The following ATAD2 variants were observed in gnomAD, a reference collection of about 807,000 sequenced individuals.
ATAD2 encodes the protein ATPase family AAA domain-containing protein 2.
Under a neutral mutation model 168.9 loss-of-function variants are expected in ATAD2, and 62 were observed. The ratio of observed to expected loss-of-function variants is 0.37; its 90% CI spans 0.30 to 0.45. The LOEUF (loss-of-function observed/expected upper bound fraction) is 0.45. Ranked by LOEUF, ATAD2 falls within the 20% of genes least tolerant of loss-of-function variation. ATAD2 has a pLI of 1.00. For missense variants in ATAD2, 1,419 were observed against 1,667.8 expected (o/e 0.85, Z 2.60); for synonymous variants, 613 against 571.6 (o/e 1.07, Z -1.03).
Position 123,387,011 on chromosome 8 carries a change from T to C in ATAD2, c.172-6334A>G, listed in dbSNP as rs543910859. Among the ~76,000 whole-genome samples, 22 of 151,930 alleles carry C rather than the reference T, an allele frequency of 1.4e-4. 1 individual carries two copies. Among genetic ancestry groups the C allele is most frequent in the African/African-American group, 4.6e-4 (19 of 41,474 alleles). On this transcript the variant is annotated intron_variant, in intron 1 of 27. Coordinates refer to ENST00000287394, the MANE Select transcript of ATAD2 (RefSeq NM_014109.4). Reference sequence around the variant, plus strand: ...AAAAACAGTTCTAACAAAAGCAATATAAAAATAAAGGCAATACATGCCCAT... The same window carrying C: ...AAAAACAGTTCTAACAAAAGCAATACAAAAATAAAGGCAATACATGCCCAT...
chr8:123,375,177 A>C (rs1227940263), intron 2 of ATAD2, among the ~76,000 whole-genome samples: 1 of 152,268 alleles, frequency 6.6e-6, no homozygotes, highest in Non-Finnish European at 1.5e-5. Context: ...TACGTAAAAT[A>C]ATCATCACTA....
intron 1 of ATAD2, among the ~76,000 whole-genome samples, chr8:123,386,020 C>CA (rs58687997): frequency 0.038 from 3,068 of 81,016 alleles, 48 homozygotes; most frequent in Admixed American, 0.066. Flanking sequence ...TGGCTACTCA[C>CA]AAAAAAAAAA....
intron 2 of ATAD2, among the ~76,000 whole-genome samples, chr8:123,379,026 C>T (rs551097908): frequency 1.9e-4 from 29 of 151,980 alleles, no homozygotes; most frequent in Non-Finnish European, 2.5e-4. Flanking sequence ...TCAAACTCCC[C>T]GACCGAAGTG....
chr8:123,380,461 A>C (rs1829462204), intron 2 of ATAD2, 68 bp downstream of exon 2: 1 of 1,545,874 alleles, frequency 6.5e-7, no homozygotes, highest in Non-Finnish European at 8.9e-7. Context: ...ACACTTCAAA[A>C]ATTAAAGCAA....
intron 26 of ATAD2, among the ~76,000 whole-genome samples, chr8:123,323,869 G>C (rs983387960): frequency 9.2e-5 from 14 of 151,964 alleles, no homozygotes; most frequent in Admixed American, 8.5e-4. Flanking sequence ...TATTTTGATG[G>C]GTTATATGAT....
At chr8:123,364,412 C>T (rs1171140262) in intron 8 of ATAD2, among the ~76,000 whole-genome samples, 1 of 152,060 alleles carries the variant, frequency 6.6e-6, no homozygotes, top group Non-Finnish European at 1.5e-5. Context: ...GGAATCCTCC[C>T]CAAATCATTC....
At position 123,396,221 on chromosome 8, in the gene ATAD2, T is replaced by C; in HGVS notation, c.137A>G (p.Gln46Arg). 1 of 1,597,048 alleles carries C rather than the reference T, an allele frequency of 6.3e-7. No individual in the cohort carries two copies. The highest frequency in any genetic ancestry group is 8.5e-7 in the Non-Finnish European group (1 of 1,175,412). The change falls in exon 1 of 28, where the codon CAG becomes CGG. Residue 46 changes from glutamine (Q) to arginine (R), a missense_variant. Around this residue, in one of 5 missense-constraint regions of ATAD2, gnomAD observed 419 missense variants for 423.5 expected, o/e 0.99. Coordinates refer to ENST00000287394, the MANE Select transcript of ATAD2 (RefSeq NM_014109.4). ...GGCTGTGGTCGCCGCGGGTTTCTTC[T>C]GCGCCGCGCCGGCCGAGCGGAGCCG... Reference protein sequence around the residue: ...RRRLRSAGAAQKKPAATTAKA... With the variant: ...RRRLRSAGAARKKPAATTAKA...
chr8:123,385,776 TATAC>T (rs1173435413), intron 1 of ATAD2, among the ~76,000 whole-genome samples: 2 of 152,060 alleles, frequency 1.3e-5, no homozygotes, highest in Non-Finnish European at 2.9e-5. Flanking sequence ...AGGTTTTATA[TATAC>T]ATACACACAC....
At chr8:123,390,876 G>A (rs916658903) in intron 1 of ATAD2, among the ~76,000 whole-genome samples, 11 of 152,104 alleles carry the variant, frequency 7.2e-5, no homozygotes, top group African/African-American at 2.7e-4. Context: ...GGGCATGGTG[G>A]CAGGCGCCTG....
chr8:123,357,299 G>A (rs1363252212), intron 12 of ATAD2, among the ~76,000 whole-genome samples: 4 of 152,134 alleles, frequency 2.6e-5, no homozygotes, highest in Admixed American at 6.5e-5. Flanking sequence ...CTCTAAATAT[G>A]AGATTACCAC....
At chr8:123,352,445 A>G (rs1828498128) in intron 13 of ATAD2, 1 of 152,760 alleles carries the variant, frequency 6.5e-6, no homozygotes, top group Non-Finnish European at 1.5e-5. Context: ...GCTTGGCTGC[A>G]ACACTTAGGA....
Position 123,359,671 on chromosome 8 carries a change from T to C in ATAD2, c.1172A>G (p.Asn391Ser). The change falls in exon 10 of 28, where the codon AAT becomes AGT. Residue 391 changes from asparagine to serine, a missense_variant. Around this residue, in one of 5 missense-constraint regions of ATAD2, gnomAD observed 146 missense variants for 188.3 expected, o/e 0.78. Coordinates refer to ENST00000287394, the MANE Select transcript of ATAD2 (RefSeq NM_014109.4). ...NRAINRCLPLNFRKDELKGIY... is the reference protein window; with the variant it reads ...NRAINRCLPLSFRKDELKGIY... The stretch of plus-strand genomic sequence containing the variant: ...GCCTTTTAATTCATCTTTCCGAAAA[T>C]TTAGTGGGAGGCACCTATTTAAAAA... 1 of 1,612,398 alleles carries C rather than the reference T, an allele frequency of 6.2e-7. No homozygotes were observed. Among genetic ancestry groups the C allele is most frequent in the Non-Finnish European group, 8.5e-7 (1 of 1,179,314 alleles).
intron 26 of ATAD2, among the ~76,000 whole-genome samples, chr8:123,325,321 C>T (rs1011101690): frequency 6.6e-6 from 1 of 150,992 alleles, no homozygotes; most frequent in Admixed American, 6.6e-5. Flanking sequence ...GAGTCTCTAT[C>T]GCCCAGGCTG....
At chr8:123,326,121 T>TA (rs565550847) in intron 25 of ATAD2, 95 bp from the exon 26 acceptor site, 2 of 1,338,354 alleles carry the variant, frequency 1.5e-6, no homozygotes, top group South Asian at 2.8e-5. Flanking sequence ...AGGGCATGTT[T>TA]ACTAAGGACA....
At chr8:123,364,834 A>C (rs1480420016) in intron 8 of ATAD2, among the ~76,000 whole-genome samples, 1 of 152,338 alleles carries the variant, frequency 6.6e-6, no homozygotes, top group Admixed American at 6.5e-5. Context: ...GAATGGGGAA[A>C]GGTTAAAAGC....
Position 123,371,815 on chromosome 8 carries a change from G to A in ATAD2, c.391C>T (p.Arg131Trp), listed in dbSNP as rs756153991. 5.6e-6 allele frequency: 9 copies of A among 1,599,750 alleles called. No individual in the cohort carries two copies. The highest frequency in any genetic ancestry group is 4.0e-5 in the African/African-American group (3 of 74,330). ...HREDKVIPVT[R>W]SLRARNIVQS... ...ACGATGTTTCTAGCCCTCAATGACC[G>A]AGTAACTGGAATCACTTTGTCTTCA... Residue 131 changes from arginine (R) to tryptophan (W), a missense_variant, in exon 4 of 28, where the codon CGG (arginine) becomes TGG (tryptophan). By Grantham distance (101) the Arg-to-Trp change is moderately radical. Coordinates refer to ENST00000287394, the MANE Select transcript of ATAD2 (RefSeq NM_014109.4).
rs929215305 is a variant in ATAD2 at position 123,345,086 on chromosome 8, A to G, written c.2533-17T>C. On this transcript the variant is annotated splice_polypyrimidine_tract_variant and intron_variant, in intron 18 of 27. Coordinates refer to ENST00000287394, the MANE Select transcript of ATAD2 (RefSeq NM_014109.4). ...ACGAATCACCTAGTAGAGAGAGAAC[A>G]AAACAAATTCAGTTAGAGTCAGCAC... is the stretch of plus-strand genomic sequence containing the variant. 1.9e-6 allele frequency: 3 copies of G among 1,579,486 alleles called. No homozygotes were observed. Among genetic ancestry groups the G allele is most frequent in the African/African-American group, 2.7e-5 (2 of 74,054 alleles).
intron 23 of ATAD2, 61 bp downstream of exon 23, chr8:123,334,139 T>C (rs1420658719): frequency 8.4e-6 from 13 of 1,542,740 alleles, no homozygotes; most frequent in African/African-American, 1.4e-5. Context: ...CTGAAATTCA[T>C]ATATTCTGAA....
chr8:123,415,819 C>A (rs568570762), intron 1 of ATAD2, among the ~76,000 whole-genome samples: 28 of 152,212 alleles, frequency 1.8e-4, no homozygotes, highest in African/African-American at 6.7e-4. Flanking sequence ...CGTCTCGAAC[C>A]CCTGACCTCG....
Sources: gnomAD v4.1 joint callset for allele counts (sites outside exome capture counted in the v4.1 genomes callset) on GRCh38, gnomAD v4.1.1 for gene constraint, gnomAD v4.1.1 regional missense constraint, MANE v1.5 for transcripts, NCBI Gene and HGNC (gene_info 2026-07-23, HGNC 2026-07-21) for gene names.